Variants in PNPLA8 observed in about 807,000 individuals in gnomAD.
PNPLA8 encodes patatin like domain 8, phospholipase A2.
A neutral mutation model predicts 76.9 loss-of-function variants in PNPLA8; 39 were observed. That is an observed-to-expected ratio of 0.51 (90% CI 0.39 to 0.66). The LOEUF is 0.66. Ranked by LOEUF, PNPLA8 falls within the 30% of genes least tolerant of loss-of-function variation. PNPLA8 has a pLI of 0.00. For synonymous variants in PNPLA8, 301 were observed against 307.9 expected, an observed-to-expected ratio of 0.98 and a Z score of 0.24; for missense variants, 887 against 918.0, an observed-to-expected ratio of 0.97 and a Z score of 0.44.
intron 5 of PNPLA8, among the ~76,000 whole-genome samples, chr7:108,498,164 C>G (rs1861692920): frequency 6.7e-6 from 1 of 148,656 alleles, no homozygotes; most frequent in African/African-American, 2.5e-5. Context: ...CTGGAAAACA[C>G]TTAAAAACTC....
At chr7:108,524,660 C>A (rs1452750274) in intron 1 of PNPLA8, among the ~76,000 whole-genome samples, 1 of 152,050 alleles carries the variant, frequency 6.6e-6, no homozygotes, top group African/African-American at 2.4e-5. Context: ...CCCGTCTCTA[C>A]TTAAAAAAAT....
At chr7:108,505,348 A>T (rs1216751048) in intron 4 of PNPLA8, among the ~76,000 whole-genome samples, 88 of 6,228 alleles carry the variant, frequency 0.014, 13 homozygotes, top group African/African-American at 0.051. Context: ...ATATATATAT[A>T]TATATTTTTT....
intron 10 of PNPLA8, among the ~76,000 whole-genome samples, chr7:108,476,985 T>C (rs2154514733): frequency 6.6e-6 from 1 of 151,202 alleles, no homozygotes; most frequent in Middle Eastern, 3.4e-3. Flanking sequence ...CACTGGGGAG[T>C]AGGGGAAATG....
At chr7:108,497,377 G>A in intron 6 of PNPLA8, 106 bp downstream of exon 6, 1 of 720,544 alleles carries the variant, frequency 1.4e-6, no homozygotes, top group South Asian at 2.2e-5. Context: ...GGGGTATGGA[G>A]AGAGGGCTGA....
intron 1 of PNPLA8, 27 bp from the exon 2 acceptor site, chr7:108,521,548 A>C: frequency 3.9e-6 from 2 of 508,782 alleles, no homozygotes; most frequent in Non-Finnish European, 5.1e-6. Context: ...CAAATAATAA[A>C]CGTAATGTAT....
chr7:108,482,592 A>G (rs1860475199), intron 9 of PNPLA8, among the ~76,000 whole-genome samples: 1 of 152,200 alleles, frequency 6.6e-6, no homozygotes, highest in Non-Finnish European at 1.5e-5. Context: ...GCATTGCATT[A>G]TATTTATGGA....
At chr7:108,505,571 C>T (rs1598934374) in intron 4 of PNPLA8, among the ~76,000 whole-genome samples, 1 of 151,110 alleles carries the variant, frequency 6.6e-6, no homozygotes, top group Non-Finnish European at 1.5e-5. Flanking sequence ...CCACGTTGGC[C>T]AGGATGGTCT....
chr7:108,507,703 T>A (rs1862561156), intron 4 of PNPLA8, among the ~76,000 whole-genome samples: 1 of 152,098 alleles, frequency 6.6e-6, no homozygotes, highest in Non-Finnish European at 1.5e-5. Context: ...ATATTTTTTT[T>A]AAAGGTGCAA....
chr7:108,493,905 G>A (rs1336744495), intron 7 of PNPLA8, among the ~76,000 whole-genome samples: 1 of 151,590 alleles, frequency 6.6e-6, no homozygotes, highest in African/African-American at 2.4e-5. Flanking sequence ...ATTATGCCAA[G>A]GTTCAACAAC....
chr7:108,494,585 C>A (rs1861424699), intron 7 of PNPLA8, among the ~76,000 whole-genome samples: 1 of 152,174 alleles, frequency 6.6e-6, no homozygotes, highest in South Asian at 2.1e-4. Flanking sequence ...ATATGTGCCA[C>A]ATTTTCTTTA....
At chr7:108,505,986 C>G (rs1031987996) in intron 4 of PNPLA8, among the ~76,000 whole-genome samples, 2 of 151,870 alleles carry the variant, frequency 1.3e-5, no homozygotes, top group Admixed American at 1.3e-4. Flanking sequence ...GCCAATAAAC[C>G]CTGGAAAAGA....
intron 4 of PNPLA8, among the ~76,000 whole-genome samples, chr7:108,512,888 A>G (rs1863041615): frequency 6.6e-6 from 1 of 152,198 alleles, no homozygotes; most frequent in Non-Finnish European, 1.5e-5. Context: ...AGTTTCAATT[A>G]GCAAGACTAT....
At chr7:108,518,521 T>C (rs1210139217) in intron 2 of PNPLA8, among the ~76,000 whole-genome samples, 2 of 152,026 alleles carry the variant, frequency 1.3e-5, no homozygotes, top group African/African-American at 2.4e-5. Context: ...TGCGTGTGAA[T>C]GCAGGCTCAT....
At chr7:108,526,521 A>G (rs1036084899), upstream of PNPLA8, among the ~76,000 whole-genome samples, 2 of 152,156 alleles carry the variant, frequency 1.3e-5, no homozygotes, top group African/African-American at 4.8e-5. Flanking sequence ...ATTCCCTTTC[A>G]GCAGAGATAA....
rs992693080 is a variant in PNPLA8, at chr7:108,470,442, T to C, written c.*1959A>G. 2.5e-4 allele frequency: 37 copies of C among 150,282 alleles called. No homozygotes were observed. The highest frequency in any genetic ancestry group is 8.8e-4 in the African/African-American group (36 of 40,764). The allele number at this position is 150,282 out of a possible 1,614,324, so 9.3% of individuals were successfully genotyped here. A position where few individuals can be genotyped will look rare whatever the true frequency, so the allele number is the denominator to read the frequency against. ...CAGAGTTCACTTGTGTAATGTATTA[T>C]TTAAGAAAGAAATAAGCCAAGCACA... On this transcript the variant is annotated 3_prime_UTR_variant, in exon 11 of 11. Transcript: ENST00000257694.
chr7:108,513,943 T>C (rs984580398), intron 4 of PNPLA8, among the ~76,000 whole-genome samples: 2 of 152,310 alleles, frequency 1.3e-5, no homozygotes, highest in Admixed American at 1.3e-4. Context: ...AGTATACATA[T>C]TGGTGCTAAC....
At chr7:108,526,887 T>TA (rs34383036), upstream of PNPLA8, among the ~76,000 whole-genome samples, 4 of 151,664 alleles carry the variant, frequency 2.6e-5, no homozygotes, top group African/African-American at 7.3e-5. Flanking sequence ...TTTCAAAGGT[T>TA]AAAAAAAAAG....
chr7:108,502,674 T>C (rs370854106), intron 4 of PNPLA8, 32 bp from the exon 5 acceptor site: 12 of 1,554,194 alleles, frequency 7.7e-6, no homozygotes, highest in Non-Finnish European at 1.1e-5. Context: ...TTTGTTGCTT[T>C]TGTCAAATCA....
At position 108,487,952 on chromosome 7, in the gene PNPLA8, ACCTAGTG is replaced by A. The variant is rs1451215882; in HGVS notation, c.1684-6_1684del. 1.9e-6 allele frequency: 3 copies of A among 1,584,874 alleles called. No homozygotes were observed. The highest frequency in any genetic ancestry group is 2.6e-6 in the Non-Finnish European group (3 of 1,161,442). ...ATTTACTATGGTACTTACAGCAGCT[ACCTAGTG>A]AATGAAAAAGTGAACAATTCCATCA... On this transcript the variant is annotated splice_acceptor_variant and splice_polypyrimidine_tract_variant and coding_sequence_variant and intron_variant, in exon 9 of 11. Transcript: ENST00000257694. LOFTEE classifies it high-confidence loss of function.
Sources: allele counts gnomAD v4.1 joint callset (sites outside exome capture counted in the v4.1 genomes callset), GRCh38; gene constraint gnomAD v4.1.1; transcripts MANE v1.5; gene names NCBI Gene and HGNC (gene_info 2026-07-23, HGNC 2026-07-21).